The following BCAS3 variants were observed in gnomAD, a reference collection of about 807,000 sequenced individuals.
The protein encoded by BCAS3 is BCAS3 microtubule associated cell migration factor, also known as BCAS4/BCAS3 fusion.
A neutral mutation model predicts 116.1 loss-of-function variants in BCAS3; 53 were observed. The observed-to-expected ratio is 0.46, with a 90% CI of 0.37 to 0.57. The LOEUF (loss-of-function observed/expected upper bound fraction) is 0.57. Ranked by LOEUF, BCAS3 falls within the 20% of genes least tolerant of loss-of-function variation. The probability of loss-of-function intolerance (pLI) is 0.00; values close to 1 mark genes in which losing one functional copy is unlikely to be tolerated. For synonymous variants in BCAS3, 391 were observed against 408.2 expected (o/e 0.96, Z 0.51); for missense variants, 917 against 1,165.4 (o/e 0.79, Z 3.10).
At chr17:61,345,604 C>T (rs1003129057) in intron 22 of BCAS3, among the ~76,000 whole-genome samples, 4 of 152,230 alleles carry the variant, frequency 2.6e-5, no homozygotes, top group Non-Finnish European at 4.4e-5. Context: ...ACAGCATGTG[C>T]GTTTTGTGTA....
chr17:61,169,205 T>C (rs7225723), intron 22 of BCAS3, among the ~76,000 whole-genome samples: 3,525 of 152,310 alleles, frequency 0.023, 145 homozygotes, highest in African/African-American at 0.081. Flanking sequence ...CCAAAACTCT[T>C]TTTAACTGTA....
At chr17:61,169,597 G>A (rs2078717665) in intron 22 of BCAS3, among the ~76,000 whole-genome samples, 1 of 152,110 alleles carries the variant, frequency 6.6e-6, no homozygotes, top group African/African-American at 2.4e-5. Context: ...GGATTCCTCA[G>A]TGTACTTTAG....
chr17:61,246,464 T>A (rs1459128043), intron 22 of BCAS3, among the ~76,000 whole-genome samples: 1 of 123,138 alleles, frequency 8.1e-6, no homozygotes, highest in South Asian at 2.5e-4. Context: ...AGAGCAAGAC[T>A]GTCTCAGAAA....
chr17:61,316,918 C>T lies in BCAS3; in HGVS notation c.2426-51409C>T, dbSNP rs920722152. 6.6e-6 allele frequency among the ~76,000 whole-genome samples: 1 copy of T among 152,174 alleles called. No individual in the cohort carries two copies. The highest frequency in any genetic ancestry group is 2.1e-4 in the South Asian group (1 of 4,824). On this transcript the variant is annotated intron_variant, in intron 22 of 23. Transcript: ENST00000407086. This position sits in a 1 kb window ranked among gnomAD's most constrained non-coding sequence, Gnocchi z 5.8. ...GATCGATTTGTGCAAGAGGCTAACT[C>T]CAGCCATTGCCAGCCCTTCTGTAAA...
At chr17:61,101,139 G>T (rs890436397) in intron 22 of BCAS3, among the ~76,000 whole-genome samples, 4 of 152,018 alleles carry the variant, frequency 2.6e-5, no homozygotes, top group Non-Finnish European at 4.4e-5. Context: ...CTCTGGAATG[G>T]CACCTCTATT....
At chr17:60,906,367 G>A (rs557840089) in intron 11 of BCAS3, among the ~76,000 whole-genome samples, 4 of 152,294 alleles carry the variant, frequency 2.6e-5, no homozygotes, top group Admixed American at 6.5e-5. Flanking sequence ...TTTGAGTGAA[G>A]TTCACCTGCA....
rs189956669 is a variant in BCAS3 at position 60,968,141 on chromosome 17, C to G, written c.1221+20789C>G. 1.0e-3 allele frequency among the ~76,000 whole-genome samples: 159 copies of G among 152,130 alleles called. 1 individual carries two copies. Among genetic ancestry groups the G allele is most frequent in the Non-Finnish European group, 1.4e-3 (93 of 67,984 alleles). On this transcript the variant is annotated intron_variant, in intron 14 of 23. Coordinates refer to ENST00000407086, the MANE Select transcript of BCAS3 (RefSeq NM_017679.5). ...GTTTTTTTCGTGTGTATATCTGTATCTTTGCATTGATACTTTATTTCAGTT... is the reference window on the plus strand; with the variant it reads ...GTTTTTTTCGTGTGTATATCTGTATGTTTGCATTGATACTTTATTTCAGTT...
At chr17:61,322,844 GAGAGAGAGAGAC>G (rs2055397249) in intron 22 of BCAS3, among the ~76,000 whole-genome samples, 30 of 145,336 alleles carry the variant, frequency 2.1e-4, no homozygotes, top group Non-Finnish European at 2.7e-4. Context: ...GAGAGAGAGA[GAGAGAGAGAGAC>G]AGAGAGAGAG....
intron 7 of BCAS3, among the ~76,000 whole-genome samples, chr17:60,845,173 G>A (rs1391364241): frequency 6.6e-6 from 1 of 152,204 alleles, no homozygotes; most frequent in African/African-American, 2.4e-5. Context: ...AGGTTGCAGT[G>A]AGCCAAGATT....
At position 61,063,750 on chromosome 17, in the gene BCAS3, A is replaced by ACTGT; in HGVS notation, c.2030-11170_2030-11169insCTGT. 6.6e-6 allele frequency among the ~76,000 whole-genome samples: 1 copy of ACTGT among 152,298 alleles called. No homozygotes were observed. Among genetic ancestry groups the ACTGT allele is most frequent in the South Asian group, 2.1e-4 (1 of 4,826 alleles). On this transcript the variant is annotated intron_variant, in intron 19 of 23. Transcript: ENST00000407086. The surrounding 1 kb of genome is among the most constrained non-coding windows in gnomAD (Gnocchi z 5.3). ...TTGGGGAAGTGGAACCAATTGAGAT[A>ACTGT]TCTTTGGCACTGGCTGTAGTTTCTG...
rs745684704 is a variant in BCAS3, at chr17:60,868,560, CT to C, written c.477-10del. 6.7e-7 allele frequency: 1 copy of C among 1,491,120 alleles called. No homozygotes were observed. Among genetic ancestry groups the C allele is most frequent in the Admixed American group, 2.5e-5 (1 of 40,638 alleles). 92.4% of individuals were successfully genotyped at this position (1,491,120 alleles called of 1,614,324 possible). On this transcript the variant is annotated splice_polypyrimidine_tract_variant and intron_variant, in intron 7 of 23. Coordinates refer to ENST00000407086, the MANE Select transcript of BCAS3 (RefSeq NM_017679.5). ...TTTTAAAAAAATGACATTTTTCTTT[CT>C]TTTTTCTTTTTTAGCACAAGCCCAC... is the stretch of plus-strand genomic sequence containing the variant.
At chr17:60,970,001 C>T (rs1027117477) in intron 14 of BCAS3, among the ~76,000 whole-genome samples, 1 of 152,112 alleles carries the variant, frequency 6.6e-6, no homozygotes, top group African/African-American at 2.4e-5. Context: ...ATGCTAATGG[C>T]ACATAATACC....
chr17:60,863,669 G>T (rs1476468446), intron 7 of BCAS3, among the ~76,000 whole-genome samples: 2 of 152,160 alleles, frequency 1.3e-5, no homozygotes, highest in African/African-American at 4.8e-5. Context: ...CTAGAGGATT[G>T]CTTGAGATCA....
intron 22 of BCAS3, among the ~76,000 whole-genome samples, chr17:61,191,729 C>T (rs921875962): frequency 5.4e-5 from 8 of 148,774 alleles, no homozygotes; most frequent in African/African-American, 7.6e-5. Context: ...GAGCCGAGAT[C>T]GCACCATTGC....
chr17:60,802,651 G>T (rs899559778), intron 6 of BCAS3, among the ~76,000 whole-genome samples: 5 of 151,918 alleles, frequency 3.3e-5, no homozygotes, highest in Admixed American at 2.0e-4. Context: ...TGTCGACTTT[G>T]TTTTTTTGAG....
In BCAS3 at chr17:61,222,372, T is replaced by C. The variant is rs1292037792; in HGVS notation, c.2425+137808T>C. Among the ~76,000 whole-genome samples, 3 of 152,212 alleles carry C rather than the reference T, an allele frequency of 2.0e-5. No homozygotes were observed. The highest frequency in any genetic ancestry group is 7.2e-5 in the African/African-American group (3 of 41,452). Reference sequence around the variant, plus strand: ...TATGGTCTTGGTGTGGTCCTTCCTTTCTGGAGGCCTCAGTTTTCTCTGGAA... The same window carrying C: ...TATGGTCTTGGTGTGGTCCTTCCTTCCTGGAGGCCTCAGTTTTCTCTGGAA... On this transcript the variant is annotated intron_variant, in intron 22 of 23. Transcript: ENST00000407086. This position sits in a 1 kb window ranked among gnomAD's most constrained non-coding sequence, Gnocchi z 6.1.
At chr17:60,805,760 G>A (rs1005092261) in intron 6 of BCAS3, among the ~76,000 whole-genome samples, 1 of 151,764 alleles carries the variant, frequency 6.6e-6, no homozygotes, top group Non-Finnish European at 1.5e-5. Flanking sequence ...CCTGGGAGGC[G>A]GAGGTTGCAG....
At chr17:60,807,668 G>A (rs1252777529) in intron 6 of BCAS3, among the ~76,000 whole-genome samples, 1 of 151,932 alleles carries the variant, frequency 6.6e-6, no homozygotes, top group Non-Finnish European at 1.5e-5. Context: ...TGTAGTCCCA[G>A]CTACTCAGAA....
In BCAS3 at chr17:61,346,400, C is replaced by T. The variant is rs2143290752; in HGVS notation, c.2426-21927C>T. Among the ~76,000 whole-genome samples the T allele has an allele frequency of 6.6e-6, 1 of 152,314 alleles. No individual in the cohort carries two copies. The highest frequency in any genetic ancestry group is 1.9e-4 in the East Asian group (1 of 5,178). On this transcript the variant is annotated intron_variant, in intron 22 of 23. Coordinates refer to ENST00000407086, the MANE Select transcript of BCAS3 (RefSeq NM_017679.5). The surrounding 1 kb of genome is among the most constrained non-coding windows in gnomAD (Gnocchi z 5.4). ...TGTCTAAAGTTCTGGCCTCCGGTTC[C>T]AGCTCTGTGGCCTAATACAAAGTCA...
Sources: gnomAD v4.1 joint callset for allele counts (sites outside exome capture counted in the v4.1 genomes callset) on GRCh38, gnomAD v4.1.1 for gene constraint, Gnocchi (gnomAD v3.1) non-coding constraint, MANE v1.5 for transcripts, NCBI Gene and HGNC (gene_info 2026-07-23, HGNC 2026-07-21) for gene names.